Variants in ACYP2 observed in about 807,000 individuals in gnomAD.
ACYP2 encodes the protein acylphosphatase 2, also known as acylphosphatase-2.
A neutral mutation model predicts 11.2 loss-of-function variants in ACYP2; 12 were observed. That is an observed-to-expected ratio of 1.08 (90% CI 0.69 to 1.74). The LOEUF is 1.74. ACYP2 is among the 40% of genes most tolerant of loss of function. ACYP2 has a pLI of 0.00. For synonymous variants in ACYP2, 43 were observed against 32.2 expected, an observed-to-expected ratio of 1.33 and a Z score of -1.13; for missense variants, 134 against 101.9, an observed-to-expected ratio of 1.31 and a Z score of -1.35.
At position 54,115,905 on chromosome 2, in the gene ACYP2, G is replaced by GGGGGGGGGGGGGGGGGT. The variant is rs1447852707; in HGVS notation, c.278-19548_278-19547insGGGGGGGGGGGGGGGGT. The GGGGGGGGGGGGGGGGGT allele has an allele frequency of 2.9e-6, 3 of 1,049,128 alleles. No homozygotes were observed. The African/African-American group carries it at 7.0e-5, about 25-fold the overall frequency. The allele number at this position is 1,049,128 out of a possible 1,614,324, so 65.0% of individuals were successfully genotyped here. A position where few individuals can be genotyped will look rare whatever the true frequency, so the allele number is the denominator to read the frequency against. On this transcript the variant is annotated intron_variant, in intron 4 of 6. Coordinates refer to ENST00000607452, the MANE Select transcript of ACYP2 (RefSeq NM_001320586.2). ...TGACACAGCAGCGGCGGCGGGGAGG[G>GGGGGGGGGGGGGGGGGT]AGGCGAAACGCGCATGCGCCCGAGG...
intron 6 of ACYP2, among the ~76,000 whole-genome samples, chr2:54,226,376 T>TA (rs1686012146): frequency 6.6e-6 from 1 of 152,368 alleles, no homozygotes; most frequent in South Asian, 2.1e-4. Context: ...AATCCATTGT[T>TA]ATTACTGGCT....
intron 6 of ACYP2, among the ~76,000 whole-genome samples, chr2:54,251,153 A>G (rs1161873672): frequency 6.6e-6 from 1 of 152,250 alleles, no homozygotes; most frequent in Non-Finnish European, 1.5e-5. Flanking sequence ...AAATGAGTGG[A>G]GCACTGTAAA....
intron 6 of ACYP2, among the ~76,000 whole-genome samples, chr2:54,190,188 G>T (rs1274006343): frequency 1.3e-5 from 2 of 151,878 alleles, no homozygotes; most frequent in African/African-American, 4.8e-5. Context: ...TGTTTCCTTT[G>T]CTGTGCAGAA....
In ACYP2 at chr2:54,255,378, G is replaced by A. The variant is rs1428992884; in HGVS notation, c.405-49310G>A. 6 of 1,614,154 alleles carry A rather than the reference G, an allele frequency of 3.7e-6. No individual in the cohort carries two copies. The East Asian group carries it at 1.3e-4, about 36-fold the overall frequency. Reference sequence around the variant, plus strand: ...TAATCATGGCAGACAGCTGTGGGTGGTGGCGGAAAGCAGTGACCCAGAAGC... The same window carrying A: ...TAATCATGGCAGACAGCTGTGGGTGATGGCGGAAAGCAGTGACCCAGAAGC... On this transcript the variant is annotated intron_variant, in intron 6 of 6. Transcript: ENST00000607452.
chr2:54,022,063 A>T (rs1262532859), intron 2 of ACYP2, among the ~76,000 whole-genome samples: 1 of 152,176 alleles, frequency 6.6e-6, no homozygotes, highest in Non-Finnish European at 1.5e-5. Flanking sequence ...CCTATTCTGA[A>T]AATTTTCAAA....
chr2:53,973,273 T>C (rs1237775467), intron 1 of ACYP2, among the ~76,000 whole-genome samples: 1 of 152,134 alleles, frequency 6.6e-6, no homozygotes, highest in African/African-American at 2.4e-5. Context: ...AGTGAATAAA[T>C]AGAGGCAGCA....
rs1388256065 is a variant in ACYP2, at chr2:54,056,297, C to T, written c.156-942C>T. ...GATATCACCATTCACGGCCTGGTGA[C>T]ATGGGCAGTTTCTGACATATTTGCC... is the stretch of plus-strand genomic sequence containing the variant. On this transcript the variant is annotated intron_variant, in intron 3 of 6. Transcript: ENST00000607452. Among the ~76,000 whole-genome samples the T allele has an allele frequency of 2.6e-5, 4 of 152,320 alleles. No individual in the cohort carries two copies. The East Asian group carries it at 7.7e-4, about 29-fold the overall frequency.
At chr2:54,263,214 G>T (rs902502046) in intron 6 of ACYP2, among the ~76,000 whole-genome samples, 2 of 152,140 alleles carry the variant, frequency 1.3e-5, no homozygotes, top group South Asian at 2.1e-4. Context: ...GAAGGCAAAG[G>T]GGCAACAGGC....
intron 6 of ACYP2, among the ~76,000 whole-genome samples, chr2:54,220,343 A>T (rs1685751645): frequency 6.6e-6 from 1 of 152,094 alleles, no homozygotes; most frequent in African/African-American, 2.4e-5. Context: ...CTTTTGACTA[A>T]ATGTGTTTTA....
chr2:54,010,428 G>A (rs1673294507), intron 2 of ACYP2, among the ~76,000 whole-genome samples: 1 of 151,830 alleles, frequency 6.6e-6, no homozygotes, highest in African/African-American at 2.4e-5. Context: ...AGGTTGCAGT[G>A]AGCTGAGTTT....
chr2:53,984,526 G>A (rs1044621345), intron 2 of ACYP2, among the ~76,000 whole-genome samples: 4 of 151,846 alleles, frequency 2.6e-5, no homozygotes, highest in South Asian at 4.2e-4. Flanking sequence ...GCAGCGAGCC[G>A]AGATCGCACC....
At chr2:54,056,783 T>C (rs562877145) in intron 3 of ACYP2, among the ~76,000 whole-genome samples, 5 of 152,326 alleles carry the variant, frequency 3.3e-5, no homozygotes, top group African/African-American at 9.6e-5. Flanking sequence ...CTTTAATAGC[T>C]TTCTACTATA....
chr2:54,135,838 T>C (rs10186140), intron 5 of ACYP2, among the ~76,000 whole-genome samples: 27,879 of 152,184 alleles, frequency 0.18, 3,561 homozygotes, highest in African/African-American at 0.36. Context: ...AACACGCTAA[T>C]GTTGCATAAT....
intron 2 of ACYP2, among the ~76,000 whole-genome samples, chr2:54,027,429 A>G (rs1414236454): frequency 1.3e-5 from 2 of 152,158 alleles, no homozygotes; most frequent in African/African-American, 4.8e-5. Flanking sequence ...AAACTGAACA[A>G]ACGAGCCTAA....
intron 6 of ACYP2, among the ~76,000 whole-genome samples, chr2:54,204,280 A>C (rs1219435005): frequency 2.7e-5 from 4 of 149,596 alleles, no homozygotes; most frequent in Non-Finnish European, 4.4e-5. Flanking sequence ...GGCATGAGCC[A>C]CTGCGCCCGG....
intron 2 of ACYP2, among the ~76,000 whole-genome samples, chr2:53,987,990 A>G (rs1194667889): frequency 6.6e-6 from 1 of 152,172 alleles, no homozygotes; most frequent in African/African-American, 2.4e-5. Flanking sequence ...GGGATCTTTT[A>G]CAGAGCAAAA....
chr2:54,112,257 C>CAGGTTTTAATT (rs1679501400), intron 4 of ACYP2, among the ~76,000 whole-genome samples: 1 of 152,126 alleles, frequency 6.6e-6, no homozygotes, highest in East Asian at 1.9e-4. Context: ...TTAATTTCAA[C>CAGGTTTTAATT]CAGTAGTAAC....
chr2:54,149,610 G>T (rs1682051787), intron 6 of ACYP2, among the ~76,000 whole-genome samples: 1 of 152,052 alleles, frequency 6.6e-6, no homozygotes, highest in Non-Finnish European at 1.5e-5. Flanking sequence ...TAAGTCCTCA[G>T]AAAATATATT....
At chr2:54,140,000 C>T (rs1233664672) in intron 6 of ACYP2, among the ~76,000 whole-genome samples, 1 of 152,122 alleles carries the variant, frequency 6.6e-6, no homozygotes, top group Non-Finnish European at 1.5e-5. Flanking sequence ...TAATTATCAA[C>T]TCCTTATTTT....
Sources: gnomAD v4.1 joint callset for allele counts (sites outside exome capture counted in the v4.1 genomes callset) on GRCh38, gnomAD v4.1.1 for gene constraint, MANE v1.5 for transcripts, NCBI Gene and HGNC (gene_info 2026-07-23, HGNC 2026-07-21) for gene names.